Variants in SLC4A4 observed in about 807,000 individuals in gnomAD.
The protein encoded by SLC4A4 is solute carrier family 4 member 4, also known as electrogenic sodium bicarbonate cotransporter 1.
SLC4A4 carries 27 observed loss-of-function variants against 111.5 expected under a neutral mutation model. The observed-to-expected ratio is 0.24, with a 90% CI of 0.18 to 0.33. SLC4A4 has a LOEUF of 0.33. Among genes scored for constraint, SLC4A4 ranks in the 10% least tolerant of loss-of-function variants. SLC4A4 has a pLI of 1.00. For missense variants in SLC4A4, 909 were observed against 1,315.5 expected, an observed-to-expected ratio of 0.69 and a Z score of 4.78; for synonymous variants, 443 against 463.4, an observed-to-expected ratio of 0.96 and a Z score of 0.57.
rs143245187 is a variant in SLC4A4, at chr4:71,165,181, G to A, written c.-1-71395G>A. Among the ~76,000 whole-genome samples the A allele has an allele frequency of 4.1e-3, 631 of 152,302 alleles. 8 individuals are homozygous for A. The highest frequency in any genetic ancestry group is 0.014 in the African/African-American group (590 of 41,564). Reference sequence around the variant, plus strand: ...GGATCTAAAACCAGAAATACCATTTGACCCAGCAATCCCATTACTGGGTAT... The same window carrying A: ...GGATCTAAAACCAGAAATACCATTTAACCCAGCAATCCCATTACTGGGTAT... On this transcript the variant is annotated intron_variant, in intron 2 of 26. Coordinates refer to the SLC4A4 transcript ENST00000649996.
chr4:71,536,646 G>A (rs982834038), intron 18 of SLC4A4, among the ~76,000 whole-genome samples: 2 of 150,522 alleles, frequency 1.3e-5, no homozygotes, highest in Admixed American at 6.6e-5. Flanking sequence ...ACAGGGGCAT[G>A]CCACCATGCC....
At chr4:71,247,388 C>T (rs1289125585) in intron 2 of SLC4A4, among the ~76,000 whole-genome samples, 1 of 149,824 alleles carries the variant, frequency 6.7e-6, no homozygotes, top group Non-Finnish European at 1.5e-5. Context: ...ATAGTTGATA[C>T]CTGATTAGCC....
At chr4:71,193,892 C>T (rs565931725) in intron 1 of SLC4A4, among the ~76,000 whole-genome samples, 9 of 152,252 alleles carry the variant, frequency 5.9e-5, no homozygotes, top group African/African-American at 2.2e-4. Context: ...GATAAGTAAA[C>T]TCATGGGATA....
intron 2 of SLC4A4, among the ~76,000 whole-genome samples, chr4:71,248,873 A>C (rs970187860): frequency 6.6e-6 from 1 of 152,206 alleles, no homozygotes; most frequent in Non-Finnish European, 1.5e-5. Flanking sequence ...TTTATTAAAA[A>C]TGAGCTCTTG....
At chr4:71,236,344 C>A in intron 1 of SLC4A4, 1 of 928,120 alleles carries the variant, frequency 1.1e-6, no homozygotes, top group Non-Finnish European at 1.5e-6. Flanking sequence ...TCTTACCTGT[C>A]TATGTGGGTG....
chr4:71,091,626 G>A (rs10034791), intron 1 of SLC4A4, among the ~76,000 whole-genome samples: 13,938 of 152,024 alleles, frequency 0.092, 790 homozygotes, highest in African/African-American at 0.16. Context: ...CAAAATTCTC[G>A]GGTAGCCAGC....
intron 24 of SLC4A4, among the ~76,000 whole-genome samples, chr4:71,565,033 T>G (rs1042587255): frequency 1.3e-5 from 2 of 150,180 alleles, no homozygotes; most frequent in Non-Finnish European, 3.0e-5. Context: ...CAGGAAGAAA[T>G]GAAAGGATGA....
intron 1 of SLC4A4, among the ~76,000 whole-genome samples, chr4:71,231,443 C>T (rs991784684): frequency 3.9e-5 from 6 of 152,178 alleles, no homozygotes; most frequent in African/African-American, 7.2e-5. Context: ...TGGTGAAAGC[C>T]GGTCCTTTTG....
At chr4:71,505,649 A>G (rs909225288) in intron 16 of SLC4A4, among the ~76,000 whole-genome samples, 12 of 152,128 alleles carry the variant, frequency 7.9e-5, no homozygotes, top group Non-Finnish European at 1.6e-4. Context: ...TTGTCTGTTT[A>G]CAATGATGAT....
intron 21 of SLC4A4, among the ~76,000 whole-genome samples, chr4:71,556,077 A>C (rs1028731451): frequency 6.6e-6 from 1 of 151,990 alleles, no homozygotes; most frequent in Non-Finnish European, 1.5e-5. Context: ...GAACCCCTTC[A>C]AAATAGTCCT....
At position 71,230,011 on chromosome 4, in the gene SLC4A4, T is replaced by A. The variant is rs549649215; in HGVS notation, c.-1-6565T>A. ...TTGTTCTTTATGTGTATGTTGAAAA[T>A]GTGCAGAGCAGATTTTACAAAACAA... is the stretch of plus-strand genomic sequence containing the variant. On this transcript the variant is annotated intron_variant, in intron 1 of 25. Coordinates refer to ENST00000264485, the MANE Select transcript of SLC4A4 (RefSeq NM_001098484.3). Among the ~76,000 whole-genome samples the A allele has an allele frequency of 2.0e-5, 3 of 151,996 alleles. No homozygotes were observed. In the East Asian group the frequency reaches 5.8e-4, roughly 29 times the overall value.
intron 12 of SLC4A4, among the ~76,000 whole-genome samples, chr4:71,461,892 C>T (rs893482295): frequency 6.6e-6 from 1 of 152,134 alleles, no homozygotes; most frequent in African/African-American, 2.4e-5. Flanking sequence ...CATTGACTTG[C>T]ACGTGATGCA....
chr4:71,446,618 A>G (rs926741172), intron 8 of SLC4A4, among the ~76,000 whole-genome samples: 5 of 152,230 alleles, frequency 3.3e-5, no homozygotes, highest in Non-Finnish European at 7.3e-5. Context: ...AAATGGGAAT[A>G]GGATACTTTC....
At chr4:71,168,066 C>T (rs546175229) in intron 2 of SLC4A4, among the ~76,000 whole-genome samples, 1 of 150,968 alleles carries the variant, frequency 6.6e-6, no homozygotes, top group African/African-American at 2.4e-5. Context: ...TTATAGGTTA[C>T]ATAAAATATT....
intron 2 of SLC4A4, among the ~76,000 whole-genome samples, chr4:71,127,266 C>G (rs1200804029): frequency 6.6e-6 from 1 of 151,934 alleles, no homozygotes; most frequent in Non-Finnish European, 1.5e-5. Context: ...GATGCCCATG[C>G]TAGCGAGGGG....
intron 21 of SLC4A4, 28 bp from the exon 22 acceptor site, chr4:71,557,684 T>G (rs753590881): frequency 5.0e-6 from 8 of 1,609,430 alleles, no homozygotes; most frequent in Non-Finnish European, 1.7e-6. Context: ...AGTAATGCAG[T>G]TGGACTCCTT....
rs548252039 is a variant in SLC4A4, at chr4:71,408,851, C to T, written c.807+11198C>T. On this transcript the variant is annotated intron_variant, in intron 7 of 25. Coordinates refer to ENST00000264485, the MANE Select transcript of SLC4A4 (RefSeq NM_001098484.3). ...TTTGGCTGTGTCCCCACCCAAATCT[C>T]AACTTGAATTGTATCTCCCAGAATT... Among the ~76,000 whole-genome samples, 5 of 152,270 alleles carry T rather than the reference C, an allele frequency of 3.3e-5. No individual in the cohort carries two copies. In the East Asian group the frequency reaches 9.6e-4, roughly 29 times the overall value.
intron 1 of SLC4A4, among the ~76,000 whole-genome samples, chr4:71,199,690 C>G (rs1194760302): frequency 6.6e-6 from 1 of 152,070 alleles, no homozygotes; most frequent in African/African-American, 2.4e-5. Context: ...TGCTTTGTTG[C>G]CCAGGCTGGA....
intron 1 of SLC4A4, among the ~76,000 whole-genome samples, chr4:71,090,847 G>T (rs1001612956): frequency 2.6e-5 from 4 of 152,230 alleles, no homozygotes; most frequent in African/African-American, 9.6e-5. Flanking sequence ...TGTGATGATT[G>T]TAGCCAGGGA....
Sources: allele counts gnomAD v4.1 joint callset (sites outside exome capture counted in the v4.1 genomes callset), GRCh38; gene constraint gnomAD v4.1.1; transcripts MANE v1.5; gene names NCBI Gene and HGNC (gene_info 2026-07-23, HGNC 2026-07-21).